DAP: variants seen among roughly 807,000 people sequenced by gnomAD.
DAP encodes death-associated protein 1.
In DAP, 8 loss-of-function variants were observed where a neutral mutation model predicts 13.8. The observed-to-expected ratio is 0.58, with a 90% CI of 0.34 to 1.05. The LOEUF (loss-of-function observed/expected upper bound fraction) is 1.05, where lower values mean the gene tolerates loss of function less well. DAP is among the 50% of genes least tolerant of loss of function. The pLI, the probability that DAP is intolerant of heterozygous loss-of-function variation, is 0.03. For synonymous variants in DAP, 47 were observed against 47.5 expected (o/e 0.99, Z 0.04); for missense variants, 106 against 133.2 (o/e 0.80, Z 1.01).
At chr5:10,695,345 G>T (rs1309402827) in intron 2 of DAP, among the ~76,000 whole-genome samples, 1 of 152,246 alleles carries the variant, frequency 6.6e-6, no homozygotes, top group African/African-American at 2.4e-5. Flanking sequence ...ACCTGGGCAC[G>T]AGGGTGCCCC....
At chr5:10,731,347 T>C (rs2126667146) in intron 2 of DAP, among the ~76,000 whole-genome samples, 1 of 152,264 alleles carries the variant, frequency 6.6e-6, no homozygotes, top group African/African-American at 2.4e-5. Context: ...AAGGGAGGAA[T>C]CTCTCCATGG....
Position 10,699,042 on chromosome 5 carries a change from G to C in DAP, c.153-15471C>G, listed in dbSNP as rs578165796. Among the ~76,000 whole-genome samples, 3 of 152,288 alleles carry C rather than the reference G, an allele frequency of 2.0e-5. No individual in the cohort carries two copies. The South Asian group carries it at 6.2e-4, about 32-fold the overall frequency. ...CCAAAGATAAAAAGGTGCAGGTTTG[G>C]GGGGGATCTCAGCATACCTGTATGA... On this transcript the variant is annotated intron_variant, in intron 2 of 3. Transcript: ENST00000230895.
intron 1 of DAP, 61 bp from the exon 2 acceptor site, chr5:10,748,332 G>C: frequency 7.0e-7 from 1 of 1,431,012 alleles, no homozygotes. Flanking sequence ...TGGATCAGGG[G>C]GACCAGCTGG....
intron 2 of DAP, among the ~76,000 whole-genome samples, chr5:10,718,266 C>G (rs1278905147): frequency 6.6e-6 from 1 of 152,178 alleles, no homozygotes; most frequent in African/African-American, 2.4e-5. Flanking sequence ...ATTAACGGAG[C>G]TTTAGCTCAG....
intron 2 of DAP, among the ~76,000 whole-genome samples, chr5:10,732,827 C>T (rs1182622437): frequency 6.6e-6 from 1 of 152,122 alleles, no homozygotes; most frequent in East Asian, 1.9e-4. Flanking sequence ...ACAAAACTTA[C>T]CATCTTAACC....
chr5:10,682,081 G>A (rs987115579), intron 3 of DAP, among the ~76,000 whole-genome samples: 9 of 150,096 alleles, frequency 6.0e-5, no homozygotes, highest in East Asian at 2.0e-4. Context: ...GCCCACCAGC[G>A]TCCCTGCAAG....
chr5:10,710,818 G>C (rs182782492), intron 2 of DAP, among the ~76,000 whole-genome samples: 1 of 152,202 alleles, frequency 6.6e-6, no homozygotes, highest in Non-Finnish European at 1.5e-5. Context: ...AAAGGGAGGG[G>C]CAAATGGAAT....
At chr5:10,699,375 C>A (rs954062229) in intron 2 of DAP, among the ~76,000 whole-genome samples, 1 of 152,248 alleles carries the variant, frequency 6.6e-6, no homozygotes, top group South Asian at 2.1e-4. Flanking sequence ...CTCCTCTCCA[C>A]TAACAGGCAT....
intron 2 of DAP, among the ~76,000 whole-genome samples, chr5:10,720,522 C>T (rs1167632250): frequency 6.6e-6 from 1 of 152,188 alleles, no homozygotes; most frequent in Admixed American, 6.5e-5. Flanking sequence ...TGCGATGACC[C>T]GTTCTGTGGA....
At chr5:10,729,282 TCAAA>T (rs1739376633) in intron 2 of DAP, among the ~76,000 whole-genome samples, 1 of 152,192 alleles carries the variant, frequency 6.6e-6, no homozygotes, top group Non-Finnish European at 1.5e-5. Flanking sequence ...GCTCTTATAA[TCAAA>T]CAAACTTTAT....
chr5:10,691,383 A>G (rs1579786590), intron 2 of DAP, among the ~76,000 whole-genome samples: 1 of 152,240 alleles, frequency 6.6e-6, no homozygotes, highest in East Asian at 1.9e-4. Context: ...ATAATTATTT[A>G]TGACGTTTAT....
At chr5:10,710,684 G>A (rs1220329580) in intron 2 of DAP, among the ~76,000 whole-genome samples, 4 of 152,214 alleles carry the variant, frequency 2.6e-5, no homozygotes, top group African/African-American at 9.7e-5. Context: ...AAGGCAGGAC[G>A]TGCCTTGACT....
intron 2 of DAP, among the ~76,000 whole-genome samples, chr5:10,737,355 A>C (rs1181780961): frequency 2.7e-5 from 4 of 146,184 alleles, no homozygotes; most frequent in African/African-American, 5.1e-5. Context: ...CAAAAAAAAA[A>C]CAAAAACAAA....
chr5:10,694,822 G>A (rs1289798255), intron 2 of DAP, among the ~76,000 whole-genome samples: 13 of 152,244 alleles, frequency 8.5e-5, no homozygotes, highest in South Asian at 6.2e-4. Flanking sequence ...CTCATTGACC[G>A]GGAAAAGCAG....
At chr5:10,718,236 G>A (rs1739045629) in intron 2 of DAP, among the ~76,000 whole-genome samples, 2 of 152,158 alleles carry the variant, frequency 1.3e-5, no homozygotes, top group Admixed American at 1.3e-4. Context: ...GTTAAAGTAG[G>A]GGCTTATGAA....
intron 2 of DAP, among the ~76,000 whole-genome samples, chr5:10,742,924 A>ACCATCCATCCATCCAT (rs369437281): frequency 0.016 from 2,141 of 134,290 alleles, 38 homozygotes; most frequent in African/African-American, 0.052. Flanking sequence ...GTTTGTATCT[A>ACCATCCATCCATCCAT]CCATCCATCC....
intron 2 of DAP, among the ~76,000 whole-genome samples, chr5:10,714,758 G>A (rs1290623864): frequency 6.6e-6 from 1 of 152,146 alleles, no homozygotes; most frequent in Non-Finnish European, 1.5e-5. Context: ...CCCTGGTACT[G>A]TCCTCACAGT....
At chr5:10,736,639 G>A (rs992518090) in intron 2 of DAP, among the ~76,000 whole-genome samples, 5 of 152,180 alleles carry the variant, frequency 3.3e-5, no homozygotes, top group African/African-American at 9.7e-5. Context: ...CACATAAACG[G>A]TGACACTTCA....
In DAP at chr5:10,708,343, CAGATACACACAG is replaced by C. The variant is rs976840364; in HGVS notation, c.153-24784_153-24773del. Among the ~76,000 whole-genome samples, 12 of 152,060 alleles carry C rather than the reference CAGATACACACAG, an allele frequency of 7.9e-5. No individual in the cohort carries two copies. The South Asian group carries it at 1.5e-3, about 18-fold the overall frequency. On this transcript the variant is annotated intron_variant, in intron 2 of 3. Coordinates refer to ENST00000230895, the MANE Select transcript of DAP (RefSeq NM_004394.3). Reference sequence around the variant, plus strand: ...ACACAGACACACACATATACACACACAGATACACACAGACGCACATACACACATGCACAGACA... The same window carrying C: ...ACACAGACACACACATATACACACACACGCACATACACACATGCACAGACA...
Sources: gnomAD v4.1 joint callset for allele counts (sites outside exome capture counted in the v4.1 genomes callset) on GRCh38, gnomAD v4.1.1 for gene constraint, MANE v1.5 for transcripts, NCBI Gene and HGNC (gene_info 2026-07-23, HGNC 2026-07-21) for gene names.